ATRX: variants seen among roughly 807,000 people sequenced by gnomAD.
ATRX encodes the protein chromatin remodeler ATRX.
ATRX carries 12 observed loss-of-function variants against 172.6 expected under a neutral mutation model. The observed-to-expected ratio is 0.07, with a 90% CI of 0.04 to 0.11. The LOEUF (loss-of-function observed/expected upper bound fraction) is 0.11. Among genes scored for constraint, ATRX ranks in the 10% least tolerant of loss-of-function variants. The pLI is 1.00. For synonymous variants in ATRX, 674 were observed against 594.7 expected (o/e 1.13, Z -1.94); for missense variants, 1,368 against 1,767.4 (o/e 0.77, Z 4.05).
chrX:77,659,501 AC>A (rs2069750321), intron 12 of ATRX, among the ~76,000 whole-genome samples: 1 of 106,736 alleles, frequency 9.4e-6, no homozygotes, highest in South Asian at 4.1e-4. Context: ...ACACACACAC[AC>A]ACACACACAC....
intron 34 of ATRX, among the ~76,000 whole-genome samples, chrX:77,516,770 A>G (rs2063068511): frequency 8.9e-6 from 1 of 112,223 alleles, no homozygotes; most frequent in Non-Finnish European, 1.9e-5. Flanking sequence ...CAATGGTCAC[A>G]GAATATACAT....
chrX:77,633,739 G>T, intron 17 of ATRX, 27 bp from the exon 18 acceptor site: 2 of 1,175,890 alleles, frequency 1.7e-6, no homozygotes, highest in Non-Finnish European at 1.2e-6. Context: ...TGTCACCTTC[G>T]TTTAAATATC....
intron 27 of ATRX, among the ~76,000 whole-genome samples, chrX:77,587,387 T>C (rs961905041): frequency 1.8e-5 from 2 of 111,260 alleles, no homozygotes; most frequent in Non-Finnish European, 3.8e-5. Flanking sequence ...ATCATCTCAA[T>C]AGCTGCAGAG....
chrX:77,744,253 G>T (rs937846380), intron 1 of ATRX, among the ~76,000 whole-genome samples: 4 of 112,203 alleles, frequency 3.6e-5, no homozygotes, highest in Admixed American at 2.8e-4. Context: ...GGACTTTGAG[G>T]CTGAAGCAAG....
intron 12 of ATRX, among the ~76,000 whole-genome samples, chrX:77,657,687 G>C (rs1557120485): frequency 9.0e-6 from 1 of 111,656 alleles, no homozygotes; most frequent in Non-Finnish European, 1.9e-5. Context: ...GAAATAAATA[G>C]AAAATTACAA....
chrX:77,618,016 C>G (rs1421528606), intron 21 of ATRX, among the ~76,000 whole-genome samples: 1 of 111,710 alleles, frequency 9.0e-6, no homozygotes, highest in African/African-American at 3.3e-5. Flanking sequence ...TCTTAAAGTG[C>G]TGGAATTACA....
intron 30 of ATRX, among the ~76,000 whole-genome samples, chrX:77,524,268 G>C (rs957662764): frequency 9.0e-6 from 1 of 111,633 alleles, no homozygotes; most frequent in Non-Finnish European, 1.9e-5. Flanking sequence ...ATCTATAAAA[G>C]GCAAATTAAT....
intron 30 of ATRX, among the ~76,000 whole-genome samples, chrX:77,537,884 T>C (rs143912503): frequency 1.1e-3 from 119 of 111,008 alleles, no homozygotes; most frequent in Non-Finnish European, 1.9e-3. Context: ...AGATACACAA[T>C]AGCAAAGTCA....
chrX:77,606,803 C>A (rs961426681), intron 22 of ATRX, among the ~76,000 whole-genome samples: 2 of 105,247 alleles, frequency 1.9e-5, no homozygotes, highest in African/African-American at 6.9e-5. Context: ...TACATACATA[C>A]ACACATATAA....
rs1310109582 is a variant in ATRX at position 77,694,033 on chromosome X, AGTTT to A, written c.371-100_371-97del. 7 of 694,321 alleles carry A rather than the reference AGTTT, an allele frequency of 1.0e-5. No homozygotes were observed. The Admixed American group carries it at 1.7e-4, about 17-fold the overall frequency. 57.2% of individuals were successfully genotyped at this position (694,321 alleles called of 1,213,427 possible). A position where few individuals can be genotyped will look rare whatever the true frequency, so the allele number is the denominator to read the frequency against. On this transcript the variant is annotated intron_variant, in intron 5 of 34. Transcript: ENST00000373344. ...GATAAAGCCAACATTGCTGGTACAT[AGTTT>A]GTTTCTTTCAAGCTTTAGATATTGG...
At chrX:77,551,331 T>C (rs1160228487) in intron 30 of ATRX, among the ~76,000 whole-genome samples, 1 of 111,743 alleles carries the variant, frequency 8.9e-6, no homozygotes, top group African/African-American at 3.3e-5. Flanking sequence ...AACCATCTGA[T>C]CTTTGACAAA....
intron 30 of ATRX, among the ~76,000 whole-genome samples, chrX:77,552,963 G>A (rs1019680992): frequency 4.5e-5 from 5 of 111,452 alleles, no homozygotes; most frequent in African/African-American, 1.6e-4. Context: ...GCAATTGAAA[G>A]GATGAAAATG....
chrX:77,569,076 A>G (rs1261692841), intron 28 of ATRX, among the ~76,000 whole-genome samples: 2 of 110,945 alleles, frequency 1.8e-5, no homozygotes, highest in African/African-American at 6.6e-5. Context: ...ATCACACCAC[A>G]GAACTCCAGT....
At position 77,559,162 on chromosome X, in the gene ATRX, C is replaced by T. The variant is rs782767870; in HGVS notation, c.6327-316G>A. 6.4e-5 allele frequency among the ~76,000 whole-genome samples: 7 copies of T among 110,151 alleles called. No homozygotes were observed. In the South Asian group the frequency reaches 2.7e-3, roughly 42 times the overall value. The stretch of plus-strand genomic sequence containing the variant: ...TAAATTTAGAGAATTTATATGTAAC[C>T]TGAAAGTCTATATTGTATTGGGTAC... On this transcript the variant is annotated intron_variant, in intron 28 of 34. Coordinates refer to ENST00000373344, the MANE Select transcript of ATRX (RefSeq NM_000489.6).
chrX:77,710,961 C>T, intron 2 of ATRX, among the ~76,000 whole-genome samples: 1 of 110,241 alleles, frequency 9.1e-6, no homozygotes, highest in Non-Finnish European at 1.9e-5. Context: ...CACACACACA[C>T]ACAAAGTAAA....
At chrX:77,569,340 C>T (rs563480522) in intron 28 of ATRX, among the ~76,000 whole-genome samples, 3 of 111,017 alleles carry the variant, frequency 2.7e-5, no homozygotes, top group African/African-American at 3.3e-5. Context: ...CTGAAAATAT[C>T]GGAAGCAAAA....
At chrX:77,549,628 A>G (rs2064390159) in intron 30 of ATRX, among the ~76,000 whole-genome samples, 1 of 112,574 alleles carries the variant, frequency 8.9e-6, no homozygotes, top group African/African-American at 3.2e-5. Flanking sequence ...AACTACTTAT[A>G]AGTCTAGATC....
At chrX:77,623,681 A>T (rs782109850) in intron 19 of ATRX, among the ~76,000 whole-genome samples, 33 of 111,941 alleles carry the variant, frequency 2.9e-4, no homozygotes, top group Non-Finnish European at 2.6e-4. Flanking sequence ...AAATCCAACA[A>T]CATGCCAAAA....
At chrX:77,725,254 G>A (rs1199150916) in intron 1 of ATRX, among the ~76,000 whole-genome samples, 1 of 111,732 alleles carries the variant, frequency 8.9e-6, no homozygotes, top group Non-Finnish European at 1.9e-5. Flanking sequence ...AAACAGCATG[G>A]TACTGGTACC....
Sources: gnomAD v4.1 joint callset for allele counts (sites outside exome capture counted in the v4.1 genomes callset) on GRCh38, gnomAD v4.1.1 for gene constraint, MANE v1.5 for transcripts, NCBI Gene and HGNC (gene_info 2026-07-23, HGNC 2026-07-21) for gene names.